BMERB1: variants seen among roughly 807,000 people sequenced by gnomAD.
BMERB1 encodes the protein bMERB domain-containing protein 1.
Under a neutral mutation model 23.6 loss-of-function variants are expected in BMERB1, and 12 were observed. The observed-to-expected ratio is 0.51, with a 90% CI of 0.33 to 0.82. BMERB1 has a LOEUF of 0.82. Among genes scored for constraint, BMERB1 ranks in the 40% least tolerant of loss-of-function variants. BMERB1 has a pLI of 0.03. For synonymous variants in BMERB1, 122 were observed against 96.6 expected (o/e 1.26, Z -1.54); for missense variants, 247 against 255.4 (o/e 0.97, Z 0.22).
intron 1 of BMERB1, among the ~76,000 whole-genome samples, chr16:15,493,091 G>A (rs1042902109): frequency 6.6e-6 from 1 of 151,688 alleles, no homozygotes; most frequent in Non-Finnish European, 1.5e-5. Context: ...CTGGGCTCAT[G>A]CCTGTAATCC....
At chr16:15,532,667 TC>T (rs926443825) in intron 2 of BMERB1, among the ~76,000 whole-genome samples, 1 of 147,768 alleles carries the variant, frequency 6.8e-6, no homozygotes, top group African/African-American at 2.5e-5. Context: ...TGCCTCAGCC[TC>T]CCAAGTAGCT....
intron 1 of BMERB1, 118 bp downstream of exon 1, chr16:15,434,877 C>T (rs998647528): frequency 1.7e-5 from 14 of 829,222 alleles, no homozygotes; most frequent in Non-Finnish European, 2.6e-5. Flanking sequence ...GCCCCCGCAG[C>T]GGGGCTGGCA....
chr16:15,487,896 A>G (rs1234981650), intron 1 of BMERB1, among the ~76,000 whole-genome samples: 1 of 152,184 alleles, frequency 6.6e-6, no homozygotes, highest in African/African-American at 2.4e-5. Context: ...AGTAGTGAGG[A>G]TGACCAGAGA....
At chr16:15,556,217 T>C (rs1195187758) in intron 2 of BMERB1, among the ~76,000 whole-genome samples, 1 of 151,948 alleles carries the variant, frequency 6.6e-6, no homozygotes, top group African/African-American at 2.4e-5. Flanking sequence ...GAGATACACA[T>C]TTTGCACAGA....
At chr16:15,549,635 C>T (rs1165147024) in intron 2 of BMERB1, among the ~76,000 whole-genome samples, 1 of 150,788 alleles carries the variant, frequency 6.6e-6, no homozygotes, top group African/African-American at 2.4e-5. Context: ...GCTGAGATCA[C>T]GCCACTGCAC....
chr16:15,493,980 G>A (rs1345672408), intron 1 of BMERB1, among the ~76,000 whole-genome samples: 3 of 152,114 alleles, frequency 2.0e-5, no homozygotes, highest in Admixed American at 1.3e-4. Context: ...CCATCCTTGC[G>A]TGACCTGGGC....
chr16:15,562,404 T>C (rs2030448683), intron 2 of BMERB1, among the ~76,000 whole-genome samples: 1 of 151,924 alleles, frequency 6.6e-6, no homozygotes, highest in African/African-American at 2.4e-5. Context: ...AGTTGTTTGG[T>C]GCCAAAACTC....
chr16:15,513,242 A>G (rs556499156), intron 1 of BMERB1, among the ~76,000 whole-genome samples: 1 of 152,314 alleles, frequency 6.6e-6, no homozygotes, highest in South Asian at 2.1e-4. Flanking sequence ...GAACATTCTT[A>G]CGGTGAAAAT....
intron 3 of BMERB1, among the ~76,000 whole-genome samples, chr16:15,573,390 A>C (rs1367781130): frequency 6.6e-6 from 1 of 152,132 alleles, no homozygotes; most frequent in Non-Finnish European, 1.5e-5. Context: ...AGTGCCCCTG[A>C]GCATTCCAGG....
chr16:15,483,047 A>T (rs2051337332), intron 1 of BMERB1, among the ~76,000 whole-genome samples: 1 of 152,168 alleles, frequency 6.6e-6, no homozygotes, highest in Admixed American at 6.5e-5. Context: ...GTAACCTTTT[A>T]ATATTTTTCC....
chr16:15,578,250 G>C (rs1033003120), intron 3 of BMERB1, among the ~76,000 whole-genome samples: 2 of 139,488 alleles, frequency 1.4e-5, no homozygotes, highest in African/African-American at 5.3e-5. Context: ...TTTTCTAAAA[G>C]ACAGGGTCTG....
chr16:15,560,945 TCTG>T (rs1335868024), intron 2 of BMERB1, among the ~76,000 whole-genome samples: 2 of 149,546 alleles, frequency 1.3e-5, no homozygotes, highest in Admixed American at 6.6e-5. Context: ...TCCTTTTTTC[TCTG>T]CTGCTTTTTT....
At chr16:15,501,335 C>T (rs2051528122) in intron 1 of BMERB1, among the ~76,000 whole-genome samples, 2 of 141,772 alleles carry the variant, frequency 1.4e-5, no homozygotes, top group South Asian at 4.5e-4. Flanking sequence ...TTCTGTCACC[C>T]AGGCTGGAGT....
intron 1 of BMERB1, among the ~76,000 whole-genome samples, chr16:15,458,464 CA>C (rs2051105709): frequency 6.6e-6 from 1 of 152,142 alleles, no homozygotes; most frequent in African/African-American, 2.4e-5. Context: ...CTTGTAACCC[CA>C]GCACTTTGGG....
At chr16:15,471,029 G>A (rs1356381045) in intron 1 of BMERB1, among the ~76,000 whole-genome samples, 1 of 151,178 alleles carries the variant, frequency 6.6e-6, no homozygotes, top group Non-Finnish European at 1.5e-5. Context: ...TAGAGATGGG[G>A]TTTCACGATG....
Position 15,582,972 on chromosome 16 carries a change from G to C in BMERB1, c.420-184G>C, listed in dbSNP as rs138314901. On this transcript the variant is annotated intron_variant, in intron 4 of 5. Coordinates refer to ENST00000300006, the MANE Select transcript of BMERB1 (RefSeq NM_033201.3). ...AGCATTTACCCCATCATTGATATGT[G>C]TCTCTGGTTCAGAGCAGGTTCACCA... Among the ~76,000 whole-genome samples the C allele has an allele frequency of 2.0e-3, 308 of 152,238 alleles. 1 individual carries two copies. The highest frequency in any genetic ancestry group is 6.9e-3 in the African/African-American group (288 of 41,540).
At chr16:15,464,034 C>T (rs564659956) in intron 1 of BMERB1, among the ~76,000 whole-genome samples, 8 of 152,138 alleles carry the variant, frequency 5.3e-5, no homozygotes, top group South Asian at 2.1e-4. Flanking sequence ...GAATCAAGGC[C>T]GCGCACAGTG....
chr16:15,460,751 C>T (rs979574283), intron 1 of BMERB1, among the ~76,000 whole-genome samples: 4 of 152,144 alleles, frequency 2.6e-5, no homozygotes, highest in African/African-American at 9.7e-5. Context: ...TCTGCCTCCC[C>T]TCAAGGAATT....
chr16:15,565,309 A>C (rs1194155354), intron 2 of BMERB1, among the ~76,000 whole-genome samples: 1 of 152,216 alleles, frequency 6.6e-6, no homozygotes, highest in African/African-American at 2.4e-5. Flanking sequence ...CATGAGTAAA[A>C]TGAAAATATG....
Sources: allele counts gnomAD v4.1 joint callset (sites outside exome capture counted in the v4.1 genomes callset), GRCh38; gene constraint gnomAD v4.1.1; transcripts MANE v1.5; gene names NCBI Gene and HGNC (gene_info 2026-07-23, HGNC 2026-07-21).